Variants in ASAP1 observed in about 807,000 individuals in gnomAD.
ASAP1 encodes the protein arf-GAP with SH3 domain, ANK repeat and PH domain-containing protein 1.
A neutral mutation model predicts 145.2 loss-of-function variants in ASAP1; 43 were observed. The observed-to-expected ratio is 0.30, with a 90% CI of 0.23 to 0.38. The LOEUF (loss-of-function observed/expected upper bound fraction) is 0.38, where lower values mean the gene tolerates loss of function less well. Ranked by LOEUF, ASAP1 falls within the 10% of genes least tolerant of loss-of-function variation. The pLI is 1.00. For missense variants in ASAP1, 1,018 were observed against 1,355.3 expected, an observed-to-expected ratio of 0.75 and a Z score of 3.91; for synonymous variants, 546 against 515.5, an observed-to-expected ratio of 1.06 and a Z score of -0.80.
At chr8:130,055,287 A>G (rs998412799) in intron 29 of ASAP1, among the ~76,000 whole-genome samples, 6 of 149,274 alleles carry the variant, frequency 4.0e-5, no homozygotes, top group African/African-American at 1.5e-4. Context: ...TGTGTGATAC[A>G]TTTAAAAAAG....
intron 4 of ASAP1, among the ~76,000 whole-genome samples, chr8:130,215,083 G>A (rs1030238640): frequency 6.6e-6 from 1 of 151,904 alleles, no homozygotes; most frequent in African/African-American, 2.4e-5. Flanking sequence ...TGTATTTTTA[G>A]TAGAGACAGG....
chr8:130,406,091 T>TTTGTTG (rs902888889), intron 1 of ASAP1, among the ~76,000 whole-genome samples: 2 of 152,228 alleles, frequency 1.3e-5, no homozygotes, highest in African/African-American at 4.8e-5. Flanking sequence ...CTGTTGGTTT[T>TTTGTTG]TTGTTGTTGT....
chr8:130,305,277 C>T (rs981941276), intron 3 of ASAP1, among the ~76,000 whole-genome samples: 7 of 152,232 alleles, frequency 4.6e-5, no homozygotes, highest in Non-Finnish European at 8.8e-5. Flanking sequence ...ACTTCTTAGT[C>T]TCTTTCTCAT....
At chr8:130,246,527 G>A (rs1260645404) in intron 3 of ASAP1, among the ~76,000 whole-genome samples, 4 of 152,016 alleles carry the variant, frequency 2.6e-5, no homozygotes, top group African/African-American at 9.7e-5. Flanking sequence ...AAAAAGTACG[G>A]TGCTTCCACT....
At chr8:130,081,497 A>G (rs1272700877) in intron 25 of ASAP1, among the ~76,000 whole-genome samples, 1 of 151,978 alleles carries the variant, frequency 6.6e-6, no homozygotes, top group African/African-American at 2.4e-5. Context: ...CTCCTCCTCT[A>G]CCTAGAAGAC....
intron 3 of ASAP1, among the ~76,000 whole-genome samples, chr8:130,249,842 T>A: frequency 6.6e-6 from 1 of 152,112 alleles, no homozygotes; most frequent in East Asian, 1.9e-4. Flanking sequence ...ACCATCTAAA[T>A]TTGACTGCCC....
intron 3 of ASAP1, among the ~76,000 whole-genome samples, chr8:130,276,720 A>ACTCTCTCT (rs1263231372): frequency 8.3e-4 from 97 of 117,522 alleles, no homozygotes; most frequent in African/African-American, 2.2e-3. Context: ...ACACACACAC[A>ACTCTCTCT]CACACACACT....
chr8:130,161,391 G>A (rs2097668937), intron 11 of ASAP1, among the ~76,000 whole-genome samples: 1 of 152,174 alleles, frequency 6.6e-6, no homozygotes, highest in African/African-American at 2.4e-5. Flanking sequence ...TGTATGTTCA[G>A]TGATGCAAAA....
chr8:130,382,254 C>G (rs967286074), intron 2 of ASAP1, among the ~76,000 whole-genome samples: 3 of 137,272 alleles, frequency 2.2e-5, no homozygotes, highest in African/African-American at 8.3e-5. Flanking sequence ...CCACTGCACT[C>G]CAGCATGAGT....
chr8:130,263,210 C>G (rs1343880026), intron 3 of ASAP1, among the ~76,000 whole-genome samples: 1 of 152,172 alleles, frequency 6.6e-6, no homozygotes, highest in African/African-American at 2.4e-5. Context: ...CCACACTTTT[C>G]TCCTAGCTAT....
At chr8:130,381,896 G>A (rs1224231530) in intron 2 of ASAP1, among the ~76,000 whole-genome samples, 2 of 151,942 alleles carry the variant, frequency 1.3e-5, no homozygotes, top group East Asian at 3.9e-4. Context: ...TATTCCACAG[G>A]GTCCCTCCTT....
intron 15 of ASAP1, 37 bp from the exon 16 acceptor site, chr8:130,128,127 A>G (rs1564991923): frequency 7.2e-6 from 8 of 1,110,084 alleles, no homozygotes; most frequent in Non-Finnish European, 7.1e-6. Flanking sequence ...AAGTCTTTAT[A>G]AGAGCATGGT....
intron 5 of ASAP1, among the ~76,000 whole-genome samples, chr8:130,209,977 C>T (rs527504242): frequency 2.0e-5 from 3 of 152,118 alleles, no homozygotes; most frequent in Non-Finnish European, 4.4e-5. Flanking sequence ...CTTGAATTTG[C>T]CACGAGCTGA....
At chr8:130,070,328 T>C (rs374100833) in intron 27 of ASAP1, among the ~76,000 whole-genome samples, 11 of 152,106 alleles carry the variant, frequency 7.2e-5, no homozygotes, top group South Asian at 2.1e-4. Context: ...TGAGCCACCG[T>C]GCCCGGCCGA....
chr8:130,406,094 G>T (rs955748886), intron 1 of ASAP1, among the ~76,000 whole-genome samples: 45 of 151,982 alleles, frequency 3.0e-4, no homozygotes, highest in Non-Finnish European at 1.0e-4. Flanking sequence ...TTGGTTTTTT[G>T]TTGTTGTTGT....
At chr8:130,258,414 C>A (rs766201049) in intron 3 of ASAP1, among the ~76,000 whole-genome samples, 1 of 152,226 alleles carries the variant, frequency 6.6e-6, no homozygotes, top group African/African-American at 2.4e-5. Context: ...GAAGCTGTCA[C>A]AGACCACCCT....
intron 3 of ASAP1, among the ~76,000 whole-genome samples, chr8:130,274,835 T>C (rs1435360226): frequency 6.6e-6 from 1 of 152,214 alleles, no homozygotes; most frequent in Admixed American, 6.5e-5. Flanking sequence ...CAGGATTGGA[T>C]TGGCTCTTAG....
chr8:130,143,264 T>G (rs1349412933), intron 13 of ASAP1, among the ~76,000 whole-genome samples: 1 of 152,172 alleles, frequency 6.6e-6, no homozygotes, highest in Non-Finnish European at 1.5e-5. Context: ...TCACTTCTCA[T>G]TAAAATAAAA....
Position 130,076,341 on chromosome 8 carries a change from A to C in ASAP1, c.2701+7T>G. 1 of 1,607,184 alleles carries C rather than the reference A, an allele frequency of 6.2e-7. No individual in the cohort carries two copies. The highest frequency in any genetic ancestry group is 8.5e-7 in the Non-Finnish European group (1 of 1,175,710). On this transcript the variant is annotated splice_region_variant and intron_variant, in intron 27 of 29. Coordinates refer to ENST00000518721, the MANE Select transcript of ASAP1 (RefSeq NM_018482.4). ...TTACATGTAAATGTAAAAATGATAG[A>C]TCTTACCTTTCTGAGGTAGTTTAGG... is the stretch of plus-strand genomic sequence containing the variant.
Sources: gnomAD v4.1 joint callset for allele counts (sites outside exome capture counted in the v4.1 genomes callset) on GRCh38, gnomAD v4.1.1 for gene constraint, MANE v1.5 for transcripts, NCBI Gene and HGNC (gene_info 2026-07-23, HGNC 2026-07-21) for gene names.